ANK3: variants seen among roughly 807,000 people sequenced by gnomAD.
ANK3 encodes the protein ankyrin 3.
ANK3 carries 57 observed loss-of-function variants against 370.9 expected under a neutral mutation model. The ratio of observed to expected loss-of-function variants is 0.15; its 90% confidence interval spans 0.12 to 0.19. The LOEUF is 0.19. ANK3 is among the 10% of genes least tolerant of loss of function. The pLI, the probability that ANK3 is intolerant of heterozygous loss-of-function variation, is 1.00. For synonymous variants in ANK3, 1,929 were observed against 1,946.3 expected (o/e 0.99, Z 0.23); for missense variants, 4,439 against 5,302.1 (o/e 0.84, Z 5.06).
At chr10:60,336,296 G>A (rs927897569) in intron 1 of ANK3, among the ~76,000 whole-genome samples, 8 of 152,122 alleles carry the variant, frequency 5.3e-5, no homozygotes, top group Admixed American at 3.9e-4. Flanking sequence ...TTGAGAAGGA[G>A]AAAAGTTTAA....
At chr10:60,294,307 C>T (rs1054690281) in intron 1 of ANK3, among the ~76,000 whole-genome samples, 1 of 152,074 alleles carries the variant, frequency 6.6e-6, no homozygotes, top group Non-Finnish European at 1.5e-5. Context: ...ACTTCAGCTT[C>T]CTGGTCAGAT....
intron 2 of ANK3, among the ~76,000 whole-genome samples, chr10:60,530,577 C>T (rs946565094): frequency 6.6e-6 from 1 of 152,022 alleles, no homozygotes; most frequent in Non-Finnish European, 1.5e-5. Context: ...TGAGAGTGGG[C>T]GCCTCTGTAA....
At chr10:60,059,810 T>TA (rs2079982187) in intron 40 of ANK3, 2 of 1,614,256 alleles carry the variant, frequency 1.2e-6, no homozygotes, top group Non-Finnish European at 1.7e-6. Flanking sequence ...CTTCTGCAGT[T>TA]ACGACTGGAG....
At chr10:60,577,971 C>T (rs1481119094) in intron 2 of ANK3, among the ~76,000 whole-genome samples, 1 of 152,162 alleles carries the variant, frequency 6.6e-6, no homozygotes, top group Non-Finnish European at 1.5e-5. Flanking sequence ...CAAATATCTA[C>T]AATGATTTTT....
At chr10:60,372,765 A>G (rs574944136) in intron 1 of ANK3, among the ~76,000 whole-genome samples, 1 of 152,256 alleles carries the variant, frequency 6.6e-6, no homozygotes, top group Non-Finnish European at 1.5e-5. Context: ...TTTTCCATAC[A>G]ACTCTGCCCT....
intron 2 of ANK3, among the ~76,000 whole-genome samples, chr10:60,585,488 T>G (rs1412423993): frequency 6.6e-6 from 1 of 152,042 alleles, no homozygotes; most frequent in Non-Finnish European, 1.5e-5. Context: ...AGAACAACTT[T>G]GAAGGAAAAA....
At chr10:60,230,552 G>C (rs1322650007) in intron 8 of ANK3, among the ~76,000 whole-genome samples, 4 of 152,116 alleles carry the variant, frequency 2.6e-5, no homozygotes, top group Non-Finnish European at 5.9e-5. Context: ...TTATGGAGCT[G>C]GGAAAATGGG....
chr10:60,181,571 T>C (rs2096188756), intron 17 of ANK3, 144 bp from the exon 18 acceptor site: 1 of 770,214 alleles, frequency 1.3e-6, no homozygotes, highest in Non-Finnish European at 2.1e-6. Context: ...ATTTATATGC[T>C]TGGGAGGCTG....
chr10:60,260,210 CT>C, intron 7 of ANK3, among the ~76,000 whole-genome samples: 1 of 152,296 alleles, frequency 6.6e-6, no homozygotes, highest in African/African-American at 2.4e-5. Flanking sequence ...CTCTTCCAAC[CT>C]GCTAGCACTG....
In ANK3 at chr10:60,150,739, C is replaced by T. The variant is rs556045945; in HGVS notation, c.2615-11652G>A. On this transcript the variant is annotated intron_variant, in intron 23 of 43. Transcript: ENST00000280772. ...TTGCCATGTGACATTCCTGCTCCCC[C>T]TTCTCCTTCTGCCATGAATAGAAGC... 1.6e-4 allele frequency among the ~76,000 whole-genome samples: 25 copies of T among 152,254 alleles called. No homozygotes were observed. In the South Asian group the frequency reaches 5.2e-3, roughly 32 times the overall value.
chr10:60,193,927 C>T (rs548793634), intron 16 of ANK3, among the ~76,000 whole-genome samples: 4 of 152,092 alleles, frequency 2.6e-5, no homozygotes, highest in Non-Finnish European at 4.4e-5. Flanking sequence ...TTGAGACTAA[C>T]CTGGCCAACA....
chr10:60,088,510 C>T, intron 28 of ANK3, 152 bp from the exon 29 acceptor site: 2 of 695,944 alleles, frequency 2.9e-6, no homozygotes, highest in East Asian at 2.7e-5. Flanking sequence ...ACCACAACCT[C>T]AGCCTTCTGG....
chr10:60,390,625 G>C (rs2063013125), upstream of ANK3, among the ~76,000 whole-genome samples: 1 of 151,930 alleles, frequency 6.6e-6, no homozygotes, highest in East Asian at 1.9e-4. Flanking sequence ...TAAGTCGGGA[G>C]TCATTTGCAC....
rs368809696 is a variant in ANK3, at chr10:60,562,408, C to CG, written c.96+52777dup. 2.1e-3 allele frequency among the ~76,000 whole-genome samples: 300 copies of CG among 141,286 alleles called. 2 individuals carry two copies. The highest frequency in any genetic ancestry group is 6.1e-3 in the African/African-American group (231 of 37,884). 92.7% of individuals were successfully genotyped at this position (141,286 alleles called of 152,430 possible). On this transcript the variant is annotated intron_variant, in intron 2 of 43. Transcript: ENST00000373827. ...ATATGTCTTAAGGGAGCATTTGTTTCGGGGGGGGCATCCGTGGGGTAGGGG... is the reference window on the plus strand; with the variant it reads ...ATATGTCTTAAGGGAGCATTTGTTTCGGGGGGGGGCATCCGTGGGGTAGGGG...
At chr10:60,385,769 A>G (rs1428722136) in intron 1 of ANK3, among the ~76,000 whole-genome samples, 2 of 152,136 alleles carry the variant, frequency 1.3e-5, no homozygotes, top group East Asian at 1.9e-4. Context: ...AAACTCCAAA[A>G]TGTTTCCTTT....
chr10:60,175,848 G>A (rs2095920782), intron 18 of ANK3, among the ~76,000 whole-genome samples: 1 of 152,160 alleles, frequency 6.6e-6, no homozygotes, highest in Admixed American at 6.5e-5. Context: ...ATTGGCTTAT[G>A]CATTATAAAA....
intron 7 of ANK3, among the ~76,000 whole-genome samples, chr10:60,238,107 G>T (rs1430184823): frequency 6.6e-6 from 1 of 152,172 alleles, no homozygotes; most frequent in Non-Finnish European, 1.5e-5. Context: ...CCTCTGTGAA[G>T]TAGAAACAAA....
At chr10:60,415,925 C>CCT (rs1332389017) in intron 2 of ANK3, among the ~76,000 whole-genome samples, 5 of 122,778 alleles carry the variant, frequency 4.1e-5, no homozygotes, top group East Asian at 2.6e-4. Context: ...TGCCCCCCAC[C>CCT]CCCCCGCCAT....
At chr10:60,408,294 G>T (rs1201735795) in intron 2 of ANK3, among the ~76,000 whole-genome samples, 1 of 152,134 alleles carries the variant, frequency 6.6e-6, no homozygotes, top group Non-Finnish European at 1.5e-5. Flanking sequence ...TTGGGGTGTG[G>T]CTTGGTGGGA....
Sources: allele counts gnomAD v4.1 joint callset (sites outside exome capture counted in the v4.1 genomes callset), GRCh38; gene constraint gnomAD v4.1.1; transcripts MANE v1.5; gene names NCBI Gene and HGNC (gene_info 2026-07-23, HGNC 2026-07-21).